RASSF3: variants seen among roughly 807,000 people sequenced by gnomAD.
RASSF3 encodes Ras association domain family member 3, also known as ras association domain-containing protein 3.
In RASSF3, 19 loss-of-function variants were observed where a neutral mutation model predicts 19.9. That is an observed-to-expected ratio of 0.96 (90% confidence interval 0.67 to 1.40). The LOEUF is 1.40. Ranked by LOEUF, RASSF3 falls within the 40% of genes most tolerant of loss-of-function variation. The pLI is 0.00. For synonymous variants in RASSF3, 110 were observed against 104.2 expected, an observed-to-expected ratio of 1.06 and a Z score of -0.34; for missense variants, 306 against 289.8, an observed-to-expected ratio of 1.06 and a Z score of -0.41.
intron 2 of RASSF3, among the ~76,000 whole-genome samples, chr12:64,584,265 A>G (rs1411564331): frequency 6.6e-6 from 1 of 152,216 alleles, no homozygotes; most frequent in African/African-American, 2.4e-5. Flanking sequence ...CCTCAGCTGA[A>G]ATGCAGGCAC....
intron 1 of RASSF3, among the ~76,000 whole-genome samples, chr12:64,511,404 C>T (rs1868327077): frequency 6.6e-6 from 1 of 152,150 alleles, no homozygotes; most frequent in African/African-American, 2.4e-5. Context: ...ATTGCTGGAA[C>T]CCGGGAGGTG....
chr12:64,580,507 T>G (rs1158299191), intron 2 of RASSF3, among the ~76,000 whole-genome samples: 1 of 150,584 alleles, frequency 6.6e-6, no homozygotes, highest in Non-Finnish European at 1.5e-5. Context: ...GAGGCTGCAG[T>G]GAGCTATGAT....
chr12:64,513,203 G>A (rs1868338622), intron 1 of RASSF3, among the ~76,000 whole-genome samples: 1 of 152,086 alleles, frequency 6.6e-6, no homozygotes, highest in African/African-American at 2.4e-5. Flanking sequence ...TCAGCACTTT[G>A]GGAGACTGAG....
Position 64,632,464 on chromosome 12 carries a change from G to A in RASSF3, c.111+21721G>A, listed in dbSNP as rs542082764. Among the ~76,000 whole-genome samples, 9 of 152,238 alleles carry A rather than the reference G, an allele frequency of 5.9e-5. No individual in the cohort carries two copies. In the South Asian group the frequency reaches 1.0e-3, roughly 18 times the overall value. Reference sequence around the variant, plus strand: ...GGGATATTGTTTGGAAGGTGATTGCGGTAACCTGGGTGAAGGTAATTAGGG... The same window carrying A: ...GGGATATTGTTTGGAAGGTGATTGCAGTAACCTGGGTGAAGGTAATTAGGG... On this transcript the variant is annotated intron_variant, in intron 1 of 4. Coordinates refer to ENST00000542104, the MANE Select transcript of RASSF3 (RefSeq NM_178169.4).
chr12:64,654,823 C>G (rs1042283608), intron 1 of RASSF3: 2 of 152,040 alleles, frequency 1.3e-5, no homozygotes, highest in Non-Finnish European at 2.9e-5. Flanking sequence ...CGAGATCATG[C>G]CACTGCACTC....
Position 64,694,990 on chromosome 12 carries a change from C to A in RASSF3, c.*78C>A. ...AGCAAGTGCCTCTCTTCTCAGAGGG[C>A]TGCTGTCTTGCCCCACTATGCTAGG... On this transcript the variant is annotated 3_prime_UTR_variant, in exon 5 of 5. Transcript: ENST00000542104. 1 of 1,500,082 alleles carries A rather than the reference C, an allele frequency of 6.7e-7. No individual in the cohort carries two copies. Among genetic ancestry groups the A allele is most frequent in the Non-Finnish European group, 9.1e-7 (1 of 1,099,724 alleles). The allele number at this position is 1,500,082 out of a possible 1,614,324, so 92.9% of individuals were successfully genotyped here.
intron 2 of RASSF3, among the ~76,000 whole-genome samples, chr12:64,558,196 A>C (rs1869284488): frequency 1.3e-5 from 2 of 152,132 alleles, no homozygotes; most frequent in African/African-American, 4.8e-5. Flanking sequence ...ATCAGCCTTG[A>C]TATGTGAGAG....
chr12:64,684,912 T>C lies in RASSF3; in HGVS notation c.219+18T>C. On this transcript the variant is annotated intron_variant, in intron 2 of 4. Coordinates refer to ENST00000542104, the MANE Select transcript of RASSF3 (RefSeq NM_178169.4). ...TGACCTTGGTAAGCACTCAAAATAC[T>C]ATTTAGGTTGACACCTGTCAAAAGA... The C allele has an allele frequency of 7.0e-7, 1 of 1,432,390 alleles. No homozygotes were observed. The allele number at this position is 1,432,390 out of a possible 1,614,324, so 88.7% of individuals were successfully genotyped here.
intron 2 of RASSF3, among the ~76,000 whole-genome samples, chr12:64,563,873 G>A (rs1252394086): frequency 6.6e-6 from 1 of 151,936 alleles, no homozygotes; most frequent in African/African-American, 2.4e-5. Flanking sequence ...TTCTTCATAT[G>A]ACTTACCACT....
intron 1 of RASSF3, among the ~76,000 whole-genome samples, chr12:64,671,156 CCT>C (rs1872690371): frequency 6.6e-6 from 1 of 152,108 alleles, no homozygotes; most frequent in Non-Finnish European, 1.5e-5. Context: ...CTAATCCTGC[CCT>C]GTCTGGTTTT....
downstream of RASSF3, among the ~76,000 whole-genome samples, chr12:64,544,628 AAG>A (rs1446866886): frequency 6.6e-6 from 1 of 152,084 alleles, no homozygotes; most frequent in Non-Finnish European, 1.5e-5. Flanking sequence ...AAAAAAAAAA[AAG>A]GCTATTTTTT....
intron 1 of RASSF3, among the ~76,000 whole-genome samples, chr12:64,663,488 C>CTTA (rs1399937308): frequency 6.6e-6 from 1 of 151,692 alleles, no homozygotes; most frequent in Non-Finnish European, 1.5e-5. Flanking sequence ...GGGATGCAAG[C>CTTA]TTATTCTATG....
intron 2 of RASSF3, among the ~76,000 whole-genome samples, chr12:64,602,991 T>C (rs1282332591): frequency 1.3e-5 from 2 of 151,610 alleles, no homozygotes; most frequent in African/African-American, 2.4e-5. Flanking sequence ...CCCAGCTACT[T>C]GGGAAGCTGA....
chr12:64,556,292 C>A (rs898083220), intron 2 of RASSF3, among the ~76,000 whole-genome samples: 1 of 152,138 alleles, frequency 6.6e-6, no homozygotes, highest in African/African-American at 2.4e-5. Flanking sequence ...GTACCTGGGA[C>A]TGCAGGCATG....
intron 3 of RASSF3, among the ~76,000 whole-genome samples, chr12:64,691,010 G>A (rs1475515056): frequency 3.3e-5 from 5 of 151,950 alleles, no homozygotes; most frequent in African/African-American, 9.7e-5. Context: ...ACAGGTGCCC[G>A]CCACCACGCC....
chr12:64,614,434 C>T (rs986538656), intron 1 of RASSF3, among the ~76,000 whole-genome samples: 7 of 151,674 alleles, frequency 4.6e-5, no homozygotes, highest in African/African-American at 1.7e-4. Flanking sequence ...GGCCCCTGAT[C>T]TTTACCATTT....
At position 64,602,861 on chromosome 12, in the gene RASSF3, G is replaced by C. The variant is rs1027514341; in HGVS notation, c.294+61156G>C. Among the ~76,000 whole-genome samples the C allele has an allele frequency of 2.6e-5, 4 of 152,216 alleles. No individual in the cohort carries two copies. The South Asian group carries it at 6.2e-4, about 24-fold the overall frequency. On this transcript the variant is annotated intron_variant, in intron 2 of 5. Coordinates refer to the RASSF3 transcript ENST00000637125. ...TCACGCCTGTAATCCCAGCACTTGGGAGGCCAAGGTGGGTGGATCACAAGG... is the reference window on the plus strand; with the variant it reads ...TCACGCCTGTAATCCCAGCACTTGGCAGGCCAAGGTGGGTGGATCACAAGG...
intron 1 of RASSF3, among the ~76,000 whole-genome samples, chr12:64,680,427 T>C (rs1012508732): frequency 2.6e-5 from 4 of 151,910 alleles, no homozygotes; most frequent in African/African-American, 9.7e-5. Flanking sequence ...GCGTGGTGTC[T>C]GCTGCTGAGC....
chr12:64,612,134 T>C (rs1204519302), intron 1 of RASSF3, among the ~76,000 whole-genome samples: 1 of 152,112 alleles, frequency 6.6e-6, no homozygotes, highest in Non-Finnish European at 1.5e-5. Flanking sequence ...CGCCCTCTCC[T>C]CCCCCATGCC....
Sources: allele counts gnomAD v4.1 joint callset (sites outside exome capture counted in the v4.1 genomes callset), GRCh38; gene constraint gnomAD v4.1.1; transcripts MANE v1.5; gene names NCBI Gene and HGNC (gene_info 2026-07-23, HGNC 2026-07-21).